The following SPP2 variants were observed in gnomAD, a reference collection of about 807,000 sequenced individuals.
SPP2 encodes secreted phosphoprotein 24.
Under a neutral mutation model 28.8 loss-of-function variants are expected in SPP2, and 34 were observed. The observed-to-expected ratio is 1.18, with a 90% confidence interval of 0.90 to 1.57. SPP2 has a LOEUF of 1.57. Among genes scored for constraint, SPP2 ranks in the 40% most tolerant of loss-of-function variants. The pLI is 0.00. For synonymous variants in SPP2, 96 were observed against 89.4 expected, an observed-to-expected ratio of 1.07 and a Z score of -0.42; for missense variants, 269 against 263.9, an observed-to-expected ratio of 1.02 and a Z score of -0.13.
At position 234,050,703 on chromosome 2, in the gene SPP2, G is replaced by A; in HGVS notation, c.-84G>A. 2 of 1,145,134 alleles carry A rather than the reference G, an allele frequency of 1.7e-6. No individual in the cohort carries two copies. Among genetic ancestry groups the A allele is most frequent in the Non-Finnish European group, 2.6e-6 (2 of 765,968 alleles). The allele number at this position is 1,145,134 out of a possible 1,614,324, so 70.9% of individuals were successfully genotyped here. A position where few individuals can be genotyped will look rare whatever the true frequency, so the allele number is the denominator to read the frequency against. On this transcript the variant is annotated 5_prime_UTR_variant, in exon 1 of 8. It adds an upstream start codon to the 5' untranslated region. Coordinates refer to ENST00000168148, the MANE Select transcript of SPP2 (RefSeq NM_006944.3). ...TTGCTGCAGTCAAAATAAGCAGCCA[G>A]TGTTTGATAAAGACAGCTCCTCTTA...
rs191672392 is a variant in SPP2, at chr2:234,069,931, T to A, written c.554T>A (p.Ile185Asn). 34 of 1,612,358 alleles carry A rather than the reference T, an allele frequency of 2.1e-5. No individual in the cohort carries two copies. The highest frequency in any genetic ancestry group is 3.3e-4 in the Middle Eastern group (2 of 6,044). Residue 185 changes from isoleucine to asparagine, a missense_variant, in exon 7 of 8, where the codon ATC (isoleucine) becomes AAC (asparagine). Transcript: ENST00000168148. ...SEQFYDRSLG[I>N]MRRVLPPGNR... ...TGCTTCCCTTTTCTATCTTTAGGGATCATGAGAAGGGTATTGCCTCCTGGA... is the reference window on the plus strand; with the variant it reads ...TGCTTCCCTTTTCTATCTTTAGGGAACATGAGAAGGGTATTGCCTCCTGGA...
chr2:234,059,112 T>A (rs1385849469), intron 3 of SPP2, among the ~76,000 whole-genome samples, 154 bp downstream of exon 3: 1 of 152,206 alleles, frequency 6.6e-6, no homozygotes, highest in Non-Finnish European at 1.5e-5. Context: ...GGGGGAAGTG[T>A]TACTCCGTGG....
At chr2:234,061,386 T>C (rs1693715741) in intron 4 of SPP2, among the ~76,000 whole-genome samples, 1 of 152,130 alleles carries the variant, frequency 6.6e-6, no homozygotes, top group African/African-American at 2.4e-5. Flanking sequence ...GACAAGAATA[T>C]GATAAGAAGA....
chr2:234,064,649 C>A (rs1372698745), intron 4 of SPP2, among the ~76,000 whole-genome samples: 1 of 152,156 alleles, frequency 6.6e-6, no homozygotes, highest in Non-Finnish European at 1.5e-5. Context: ...CAACTGCCAC[C>A]ACCATTTAAA....
At chr2:234,064,680 C>A (rs148382591) in intron 4 of SPP2, among the ~76,000 whole-genome samples, 4 of 152,152 alleles carry the variant, frequency 2.6e-5, no homozygotes, top group African/African-American at 4.8e-5. Flanking sequence ...TTTTATCACG[C>A]GGGAGAGAGA....
At chr2:234,056,979 G>C (rs1406901654) in intron 2 of SPP2, among the ~76,000 whole-genome samples, 1 of 152,070 alleles carries the variant, frequency 6.6e-6, no homozygotes, top group Non-Finnish European at 1.5e-5. Flanking sequence ...CACAGAAAGA[G>C]CGCTGCCTCC....
intron 2 of SPP2, among the ~76,000 whole-genome samples, chr2:234,057,161 A>G (rs1693625401): frequency 6.6e-6 from 1 of 152,088 alleles, no homozygotes; most frequent in African/African-American, 2.4e-5. Flanking sequence ...TCCTGCCCCA[A>G]TCTGTTTACC....
At chr2:234,061,570 T>G (rs371748592) in intron 4 of SPP2, among the ~76,000 whole-genome samples, 7 of 152,264 alleles carry the variant, frequency 4.6e-5, no homozygotes, top group Admixed American at 1.3e-4. Flanking sequence ...GATTTAACTC[T>G]GTAGTGAAAA....
intron 2 of SPP2, among the ~76,000 whole-genome samples, chr2:234,053,180 C>A (rs3216494): frequency 2.8e-5 from 2 of 72,108 alleles, no homozygotes; most frequent in Non-Finnish European, 5.2e-5. Flanking sequence ...GTGAAAAAAA[C>A]ATCACAACTG....
At chr2:234,066,644 C>A in intron 5 of SPP2, 57 bp downstream of exon 5, 1 of 1,322,296 alleles carries the variant, frequency 7.6e-7, no homozygotes, top group Non-Finnish European at 1.1e-6. Flanking sequence ...CATATTGCAA[C>A]TCTTTGTTAG....
intron 6 of SPP2, among the ~76,000 whole-genome samples, chr2:234,069,627 A>G (rs1433177237): frequency 2.0e-5 from 3 of 152,134 alleles, no homozygotes; most frequent in African/African-American, 7.2e-5. Context: ...CCCTTGGAGG[A>G]CTGAAAGATA....
intron 2 of SPP2, among the ~76,000 whole-genome samples, chr2:234,052,880 G>T (rs1206088820): frequency 2.0e-5 from 3 of 152,040 alleles, no homozygotes; most frequent in Non-Finnish European, 2.9e-5. Flanking sequence ...TTCATATTTT[G>T]ATTTATGTTG....
intron 4 of SPP2, among the ~76,000 whole-genome samples, chr2:234,063,481 A>G (rs959749965): frequency 6.6e-6 from 1 of 152,240 alleles, no homozygotes; most frequent in African/African-American, 2.4e-5. Flanking sequence ...TTTCCATGAC[A>G]TAATTTTTTA....
Position 234,060,482 on chromosome 2 carries a change from A to G in SPP2, c.444+3A>G. 1 of 1,611,122 alleles carries G rather than the reference A, an allele frequency of 6.2e-7. No individual in the cohort carries two copies. Among genetic ancestry groups the G allele is most frequent in the Non-Finnish European group, 8.5e-7 (1 of 1,177,828 alleles). The stretch of plus-strand genomic sequence containing the variant: ...CTGAGTCTTACAGCAGCGAAGAGGT[A>G]TGACTGGGGCCTTGTCTCCTCCCAG... On this transcript the variant is annotated splice_donor_region_variant and intron_variant, in intron 4 of 7. Transcript: ENST00000168148.
rs770524895 is a variant in SPP2, at chr2:234,069,932, C to T, written c.555C>T (p.Ile185=). ...GCTTCCCTTTTCTATCTTTAGGGAT[C>T]ATGAGAAGGGTATTGCCTCCTGGAA... The part of the protein sequence containing the change: ...SEQFYDRSLG[I]MRRVLPPGNR... Residue 185 remains isoleucine, a synonymous_variant, in exon 7 of 8, where the codon ATC becomes ATT. Coordinates refer to ENST00000168148, the MANE Select transcript of SPP2 (RefSeq NM_006944.3). 1.1e-5 allele frequency: 18 copies of T among 1,612,150 alleles called. No homozygotes were observed. The highest frequency in any genetic ancestry group is 3.3e-5 in the South Asian group (3 of 91,012).
intron 7 of SPP2, among the ~76,000 whole-genome samples, chr2:234,074,795 T>G (rs1417556573): frequency 6.6e-6 from 1 of 152,180 alleles, no homozygotes; most frequent in African/African-American, 2.4e-5. Context: ...TCTGTTTAGA[T>G]GCCGTATTTA....
At chr2:234,062,678 C>G (rs1323392047) in intron 4 of SPP2, among the ~76,000 whole-genome samples, 1 of 152,120 alleles carries the variant, frequency 6.6e-6, no homozygotes, top group African/African-American at 2.4e-5. Context: ...AGAATGCTAA[C>G]TGGGTCTAGG....
intron 2 of SPP2, among the ~76,000 whole-genome samples, chr2:234,055,010 A>C (rs1693577651): frequency 6.6e-6 from 1 of 152,008 alleles, no homozygotes; most frequent in Non-Finnish European, 1.5e-5. Flanking sequence ...TCTGATCTTT[A>C]CTTTTTGTCC....
intron 4 of SPP2, among the ~76,000 whole-genome samples, chr2:234,063,506 T>TA (rs920799387): frequency 3.3e-5 from 5 of 152,164 alleles, no homozygotes; most frequent in African/African-American, 9.7e-5. Flanking sequence ...ATAGTAACAA[T>TA]AAAAAATTGA....
Sources: gnomAD v4.1 joint callset for allele counts (sites outside exome capture counted in the v4.1 genomes callset) on GRCh38, gnomAD v4.1.1 for gene constraint, MANE v1.5 for transcripts, NCBI Gene and HGNC (gene_info 2026-07-23, HGNC 2026-07-21) for gene names.